OSTN: variants seen among roughly 807,000 people sequenced by gnomAD.
OSTN encodes the protein osteocrin.
A neutral mutation model predicts 12.0 loss-of-function variants in OSTN; 9 were observed. The ratio of observed to expected loss-of-function variants is 0.75; its 90% CI spans 0.45 to 1.30. The LOEUF is 1.30. Among genes scored for constraint, OSTN ranks in the 50% most tolerant of loss-of-function variants. OSTN has a pLI of 0.00. For missense variants in OSTN, 148 were observed against 152.3 expected (o/e 0.97, Z 0.15); for synonymous variants, 59 against 56.9 (o/e 1.04, Z -0.16).
intron 4 of OSTN, among the ~76,000 whole-genome samples, chr3:191,261,911 G>A (rs1464714288): frequency 6.6e-6 from 1 of 152,152 alleles, no homozygotes; most frequent in Non-Finnish European, 1.5e-5. Context: ...ATGTCAACCT[G>A]ATAAAATTAG....
At chr3:191,202,673 C>T (rs1386885474) in intron 1 of OSTN, among the ~76,000 whole-genome samples, 1 of 152,092 alleles carries the variant, frequency 6.6e-6, no homozygotes, top group Non-Finnish European at 1.5e-5. Flanking sequence ...TTTAAATATG[C>T]TATATTTAAC....
At chr3:191,252,516 T>A (rs1715582291) in intron 4 of OSTN, among the ~76,000 whole-genome samples, 1 of 152,148 alleles carries the variant, frequency 6.6e-6, no homozygotes, top group Admixed American at 6.5e-5. Flanking sequence ...TTGTTAAGCA[T>A]CTTGATAATC....
At chr3:191,224,784 T>C (rs1460548575) in intron 3 of OSTN, among the ~76,000 whole-genome samples, 1 of 152,180 alleles carries the variant, frequency 6.6e-6, no homozygotes, top group Non-Finnish European at 1.5e-5. Context: ...TTTGCATTTT[T>C]ATTTTGTATT....
rs1715739930 is a variant in OSTN, at chr3:191,259,039, G to C, written c.*13-3827G>C. Among the ~76,000 whole-genome samples the C allele has an allele frequency of 2.6e-5, 4 of 152,154 alleles. No individual in the cohort carries two copies. In the South Asian group the frequency reaches 6.2e-4, roughly 24 times the overall value. ...GACGCTTAAAACTGCAAGGAAAGAA[G>C]ACTCCCAGAAAGGAGTAAGAGTACT... On this transcript the variant is annotated intron_variant, in intron 4 of 4. Transcript: ENST00000682035.
chr3:191,246,708 G>A (rs1435558177), intron 3 of OSTN, among the ~76,000 whole-genome samples: 1 of 150,622 alleles, frequency 6.6e-6, no homozygotes, highest in East Asian at 2.0e-4. Flanking sequence ...TGAAAAGGAA[G>A]AAGAAGAGGA....
intron 2 of OSTN, among the ~76,000 whole-genome samples, chr3:191,218,191 C>A (rs1000031781): frequency 6.6e-6 from 1 of 152,070 alleles, no homozygotes; most frequent in Admixed American, 6.5e-5. Flanking sequence ...AAAAATGATC[C>A]GTAAATATGC....
intron 3 of OSTN, among the ~76,000 whole-genome samples, chr3:191,239,735 C>G (rs1271966644): frequency 1.3e-5 from 2 of 152,168 alleles, no homozygotes; most frequent in Non-Finnish European, 2.9e-5. Context: ...TAAGTGGTAA[C>G]CAATTGTTTC....
At chr3:191,210,486 A>G (rs1221794653) in intron 1 of OSTN, among the ~76,000 whole-genome samples, 1 of 152,220 alleles carries the variant, frequency 6.6e-6, no homozygotes, top group African/African-American at 2.4e-5. Flanking sequence ...TACAGATTAT[A>G]AATAGTAAAT....
intron 4 of OSTN, among the ~76,000 whole-genome samples, chr3:191,251,617 T>C (rs1715562675): frequency 6.6e-6 from 1 of 152,200 alleles, no homozygotes; most frequent in East Asian, 1.9e-4. Flanking sequence ...GTTCTCAAAA[T>C]CACTCAGTTA....
At chr3:191,240,028 T>A (rs1715284789) in intron 3 of OSTN, among the ~76,000 whole-genome samples, 1 of 152,240 alleles carries the variant, frequency 6.6e-6, no homozygotes, top group Non-Finnish European at 1.5e-5. Context: ...AAATGACATT[T>A]TGTTTACTAT....
chr3:191,223,722 TAAG>T (rs942457084), intron 3 of OSTN, among the ~76,000 whole-genome samples: 3 of 151,810 alleles, frequency 2.0e-5, no homozygotes, highest in African/African-American at 7.3e-5. Flanking sequence ...AAAATAATCA[TAAG>T]AATAAAAACT....
At chr3:191,247,369 A>C (rs1014257215) in intron 3 of OSTN, among the ~76,000 whole-genome samples, 1 of 152,220 alleles carries the variant, frequency 6.6e-6, no homozygotes, top group Non-Finnish European at 1.5e-5. Flanking sequence ...ACACCACTTA[A>C]GAGGATATGT....
At chr3:191,237,470 C>G (rs1430267850) in intron 3 of OSTN, among the ~76,000 whole-genome samples, 2 of 152,146 alleles carry the variant, frequency 1.3e-5, no homozygotes, top group Non-Finnish European at 2.9e-5. Flanking sequence ...AGCTTTAGAG[C>G]AGGAATGAAA....
intron 3 of OSTN, among the ~76,000 whole-genome samples, chr3:191,241,115 G>C (rs1367609192): frequency 8.3e-6 from 1 of 120,072 alleles, no homozygotes; most frequent in Non-Finnish European, 1.8e-5. Flanking sequence ...AGCTATTTCT[G>C]TTTTCTCTCA....
intron 1 of OSTN, among the ~76,000 whole-genome samples, chr3:191,199,895 T>C (rs796668899): frequency 4.6e-5 from 7 of 152,234 alleles, no homozygotes; most frequent in African/African-American, 1.7e-4. Context: ...TGCTATTCAA[T>C]GATTGAATTG....
intron 2 of OSTN, among the ~76,000 whole-genome samples, chr3:191,215,923 AC>A (rs1415867490): frequency 6.6e-6 from 1 of 152,120 alleles, no homozygotes; most frequent in Non-Finnish European, 1.5e-5. Flanking sequence ...TCACAGCTCT[AC>A]TGGGCAGTAC....
At position 191,232,622 on chromosome 3, in the gene OSTN, C is replaced by T. The variant is rs545786622; in HGVS notation, c.317+13661C>T. 1.1e-3 allele frequency among the ~76,000 whole-genome samples: 155 copies of T among 136,298 alleles called. 2 individuals are homozygous for T. Among genetic ancestry groups the T allele is most frequent in the African/African-American group, 3.6e-3 (134 of 36,992 alleles). 89.4% of individuals were successfully genotyped at this position (136,298 alleles called of 152,430 possible). ...AAATCATTTTTTTTTTTTTTTGAGA[C>T]GCAGTTTTGCTCTTGTTGCCCAGGC... On this transcript the variant is annotated intron_variant, in intron 3 of 4. Coordinates refer to ENST00000682035, the MANE Select transcript of OSTN (RefSeq NM_198184.2).
chr3:191,263,046 T>C lies in OSTN; in HGVS notation c.*193T>C, dbSNP rs576288516. 4.4e-5 allele frequency: 24 copies of C among 541,710 alleles called. No homozygotes were observed. The highest frequency in any genetic ancestry group is 7.2e-5 in the Non-Finnish European group (22 of 303,948). 33.6% of individuals were successfully genotyped at this position (541,710 alleles called of 1,614,324 possible). On this transcript the variant is annotated 3_prime_UTR_variant, in exon 5 of 5. Coordinates refer to ENST00000682035, the MANE Select transcript of OSTN (RefSeq NM_198184.2). ...CTTCAATTAAATTGTGTAAATCATT[T>C]TGATGCACGTACATTTTAAAATTAT...
At chr3:191,222,241 A>T (rs1478787290) in intron 3 of OSTN, among the ~76,000 whole-genome samples, 1 of 152,224 alleles carries the variant, frequency 6.6e-6, no homozygotes, top group Non-Finnish European at 1.5e-5. Flanking sequence ...TGTTGTGAAA[A>T]GAGGGCCACC....
Sources: gnomAD v4.1 joint callset for allele counts (sites outside exome capture counted in the v4.1 genomes callset) on GRCh38, gnomAD v4.1.1 for gene constraint, MANE v1.5 for transcripts, NCBI Gene and HGNC (gene_info 2026-07-23, HGNC 2026-07-21) for gene names.